RABGAP1L: variants seen among roughly 807,000 people sequenced by gnomAD.
RABGAP1L encodes rab GTPase-activating protein 1-like.
Under a neutral mutation model 137.7 loss-of-function variants are expected in RABGAP1L, and 63 were observed. The ratio of observed to expected loss-of-function variants is 0.46; its 90% CI spans 0.37 to 0.56. RABGAP1L has a LOEUF of 0.56. Ranked by LOEUF, RABGAP1L falls within the 20% of genes least tolerant of loss-of-function variation. The pLI is 0.00. For missense variants in RABGAP1L, 1,095 were observed against 1,244.0 expected (o/e 0.88, Z 1.80); for synonymous variants, 431 against 433.7 (o/e 0.99, Z 0.08).
intron 19 of RABGAP1L, among the ~76,000 whole-genome samples, chr1:174,923,934 G>A (rs1354501396): frequency 2.6e-5 from 4 of 151,106 alleles, no homozygotes; most frequent in Non-Finnish European, 5.9e-5. Context: ...TGTAGCTTTT[G>A]TCACCTCTAA....
chr1:174,738,537 T>C (rs1239180560), intron 17 of RABGAP1L, among the ~76,000 whole-genome samples: 2 of 152,228 alleles, frequency 1.3e-5, no homozygotes, highest in Non-Finnish European at 2.9e-5. Flanking sequence ...TTAGACTTAA[T>C]GAATCAGAAT....
At chr1:174,818,239 G>A (rs904355459) in intron 19 of RABGAP1L, among the ~76,000 whole-genome samples, 81 of 152,122 alleles carry the variant, frequency 5.3e-4, no homozygotes, top group African/African-American at 1.9e-3. Flanking sequence ...TACAGATGAG[G>A]GAATAGAAGC....
rs541608173 is a variant in RABGAP1L, at chr1:174,598,588, G to T, written c.1711-38787G>T. Reference sequence around the variant, plus strand: ...TTGCTTTATATATCTGGGTGCTTCAGTGTTGATGCATATAAATTTATAACT... The same window carrying T: ...TTGCTTTATATATCTGGGTGCTTCATTGTTGATGCATATAAATTTATAACT... On this transcript the variant is annotated intron_variant, in intron 13 of 25. Coordinates refer to ENST00000681986, the MANE Select transcript of RABGAP1L (RefSeq NM_001366446.1). Among the ~76,000 whole-genome samples, 297 of 152,218 alleles carry T rather than the reference G, an allele frequency of 2.0e-3. 1 individual carries two copies. The highest frequency in any genetic ancestry group is 6.8e-3 in the African/African-American group (282 of 41,532).
At chr1:174,673,809 T>C (rs1197007643) in intron 14 of RABGAP1L, among the ~76,000 whole-genome samples, 1 of 152,164 alleles carries the variant, frequency 6.6e-6, no homozygotes, top group Non-Finnish European at 1.5e-5. Flanking sequence ...CATGCTGAAG[T>C]CTGAAAGGCT....
chr1:174,667,379 A>G (rs2060158), intron 14 of RABGAP1L, among the ~76,000 whole-genome samples: 32,073 of 152,030 alleles, frequency 0.21, 3,715 homozygotes, highest in Admixed American at 0.25. Context: ...TAATAAGGGT[A>G]TGGGCTTTAT....
At chr1:174,562,474 A>G (rs938275074) in intron 13 of RABGAP1L, among the ~76,000 whole-genome samples, 13 of 152,190 alleles carry the variant, frequency 8.5e-5, no homozygotes, top group South Asian at 8.3e-4. Flanking sequence ...AGAACTAGAA[A>G]TACCATTTGA....
intron 11 of RABGAP1L, among the ~76,000 whole-genome samples, chr1:174,313,886 G>T (rs1319691016): frequency 6.6e-6 from 1 of 152,050 alleles, no homozygotes; most frequent in African/African-American, 2.4e-5. Flanking sequence ...TTTCTATAAT[G>T]TATTGTTGAA....
chr1:174,224,687 A>C (rs914511884), intron 3 of RABGAP1L, among the ~76,000 whole-genome samples: 3 of 152,162 alleles, frequency 2.0e-5, no homozygotes, highest in African/African-American at 7.2e-5. Context: ...GACATGTATT[A>C]CATATACATA....
At chr1:174,263,085 T>C (rs2148634891) in intron 7 of RABGAP1L, among the ~76,000 whole-genome samples, 1 of 152,302 alleles carries the variant, frequency 6.6e-6, no homozygotes, top group East Asian at 1.9e-4. Context: ...CCTACAGCCT[T>C]CCTGACACAG....
chr1:174,554,733 A>G (rs1666766324), intron 13 of RABGAP1L, among the ~76,000 whole-genome samples: 1 of 152,194 alleles, frequency 6.6e-6, no homozygotes, highest in African/African-American at 2.4e-5. Flanking sequence ...ATTTTCTGTG[A>G]AAATAAAATG....
intron 13 of RABGAP1L, among the ~76,000 whole-genome samples, chr1:174,529,539 G>T (rs1405974451): frequency 6.6e-6 from 1 of 152,086 alleles, no homozygotes; most frequent in Non-Finnish European, 1.5e-5. Flanking sequence ...GGCAGTGGTA[G>T]GTTTGGTGTG....
At chr1:174,422,815 C>T (rs556711394) in intron 13 of RABGAP1L, among the ~76,000 whole-genome samples, 3 of 151,970 alleles carry the variant, frequency 2.0e-5, no homozygotes, top group South Asian at 2.1e-4. Flanking sequence ...GGTGTGATAG[C>T]ACACATCTGT....
chr1:174,951,664 C>T (rs1667730357), intron 19 of RABGAP1L, among the ~76,000 whole-genome samples: 2 of 152,102 alleles, frequency 1.3e-5, no homozygotes, highest in Non-Finnish European at 2.9e-5. Context: ...CTCAAACCTA[C>T]CAGCCCCCAA....
intron 13 of RABGAP1L, among the ~76,000 whole-genome samples, chr1:174,523,744 T>C (rs1425006479): frequency 2.0e-5 from 3 of 152,146 alleles, no homozygotes; most frequent in African/African-American, 7.2e-5. Context: ...TCTATCTAGC[T>C]GTAGGTTTGT....
At chr1:174,578,909 T>C (rs986765158) in intron 13 of RABGAP1L, among the ~76,000 whole-genome samples, 3 of 152,158 alleles carry the variant, frequency 2.0e-5, no homozygotes, top group Non-Finnish European at 4.4e-5. Context: ...GGCTTATTAT[T>C]TCTTTGAAAT....
chr1:174,702,153 A>G lies in RABGAP1L; in HGVS notation c.2066A>G (p.Asn689Ser). The change falls in exon 17 of 26, where the codon AAC (asparagine) becomes AGC (serine). Residue 689 changes from asparagine (N) to serine (S), a missense_variant. Transcript: ENST00000681986. ...PDLHSHFSDL[N>S]LEAHMYASQW... ...CTGCATAGCCATTTTTCTGATCTGA[A>G]CCTGGAAGCTCATATGTATGCATCC... 1 of 1,611,998 alleles carries G rather than the reference A, an allele frequency of 6.2e-7. No individual in the cohort carries two copies. The highest frequency in any genetic ancestry group is 8.5e-7 in the Non-Finnish European group (1 of 1,179,136).
chr1:174,282,727 T>A (rs1372822098), intron 10 of RABGAP1L, among the ~76,000 whole-genome samples: 1 of 152,188 alleles, frequency 6.6e-6, no homozygotes, highest in Non-Finnish European at 1.5e-5. Flanking sequence ...TGTTTTCCTG[T>A]AAAGACTTTA....
chr1:174,490,680 C>T (rs377002773), intron 13 of RABGAP1L, among the ~76,000 whole-genome samples: 151 of 152,222 alleles, frequency 9.9e-4, no homozygotes, highest in African/African-American at 3.5e-3. Context: ...TTCCCTTAGG[C>T]CCAAATGGGT....
chr1:174,247,345 A>G (rs566612325), intron 5 of RABGAP1L, among the ~76,000 whole-genome samples: 4 of 152,334 alleles, frequency 2.6e-5, no homozygotes, highest in African/African-American at 7.2e-5. Flanking sequence ...GTAGCCAGAA[A>G]GAGTCATGGC....
Sources: gnomAD v4.1 joint callset for allele counts (sites outside exome capture counted in the v4.1 genomes callset) on GRCh38, gnomAD v4.1.1 for gene constraint, MANE v1.5 for transcripts, NCBI Gene and HGNC (gene_info 2026-07-23, HGNC 2026-07-21) for gene names.